The following LALBA variants were observed in gnomAD, a reference collection of about 807,000 sequenced individuals.
LALBA encodes lactalbumin alpha.
In LALBA, 12 loss-of-function variants were observed where a neutral mutation model predicts 13.4. The observed-to-expected ratio is 0.89, with a 90% CI of 0.57 to 1.45. The LOEUF (loss-of-function observed/expected upper bound fraction) is 1.45. Ranked by LOEUF, LALBA falls within the 40% of genes most tolerant of loss-of-function variation. LALBA has a pLI of 0.00. For synonymous variants in LALBA, 64 were observed against 61.0 expected (o/e 1.05, Z -0.23); for missense variants, 145 against 165.9 (o/e 0.87, Z 0.69).
rs898553451 is a variant in LALBA, at chr12:48,569,874, G to A, written c.133+14C>T. On this transcript the variant is annotated intron_variant, in intron 1 of 3. Coordinates refer to ENST00000301046, the MANE Select transcript of LALBA (RefSeq NM_002289.3). ...GTATGAGGAATGGATGAAACACAGAGGCAGGGAACTCACATTCAGGCAAAG... is the reference window on the plus strand; with the variant it reads ...GTATGAGGAATGGATGAAACACAGAAGCAGGGAACTCACATTCAGGCAAAG... The A allele has an allele frequency of 2.5e-6, 4 of 1,613,258 alleles. No individual in the cohort carries two copies. Among genetic ancestry groups the A allele is most frequent in the African/African-American group, 1.3e-5 (1 of 74,890 alleles).
intron 2 of LALBA, 107 bp downstream of exon 2, chr12:48,568,975 G>T: frequency 1.0e-6 from 1 of 982,326 alleles, no homozygotes; most frequent in Non-Finnish European, 1.5e-6. Flanking sequence ...TTTTTATAGA[G>T]CCCAGCCAAG....
At chr12:48,568,120 A>T in intron 3 of LALBA, 103 bp from the exon 4 acceptor site, 1 of 888,108 alleles carries the variant, frequency 1.1e-6, no homozygotes, top group Non-Finnish European at 1.8e-6. Flanking sequence ...TTACAGAAAG[A>T]CATTCCTGGC....
At chr12:48,570,657 C>T (rs1339698519), upstream of LALBA, among the ~76,000 whole-genome samples, 2 of 152,096 alleles carry the variant, frequency 1.3e-5, no homozygotes, top group Admixed American at 1.3e-4. Context: ...AGACTTCCTA[C>T]TTAAGGAAAA....
rs1448688374 is a variant in LALBA at position 48,570,015 on chromosome 12, C to T, written c.6G>A (p.Arg2=). 2.5e-6 allele frequency: 4 copies of T among 1,613,872 alleles called. No homozygotes were observed. Among genetic ancestry groups the T allele is most frequent in the South Asian group, 1.1e-5 (1 of 91,046 alleles). ...CCACCAGGAACAGAGGGACAAAGAA[C>T]CTCATTTTGGCTACCCCCAAGAACC... The part of the protein sequence containing the change: M[R]FFVPLFLVGI... Residue 2 remains arginine (R), a synonymous_variant, in exon 1 of 4, where the codon AGG becomes AGA. Coordinates refer to ENST00000301046, the MANE Select transcript of LALBA (RefSeq NM_002289.3).
At chr12:48,568,462 C>G (rs1938593403) in intron 3 of LALBA, 55 bp downstream of exon 3, 1 of 987,784 alleles carries the variant, frequency 1.0e-6, no homozygotes, top group Non-Finnish European at 1.6e-6. Context: ...GGGTGCTGGG[C>G]TAATGGGGTA....
At chr12:48,570,695 C>T (rs545198074), upstream of LALBA, among the ~76,000 whole-genome samples, 3 of 152,162 alleles carry the variant, frequency 2.0e-5, no homozygotes, top group Admixed American at 2.0e-4. Flanking sequence ...TGTATGAAAG[C>T]ATCTAGGCCA....
chr12:48,568,294 G>C lies in LALBA; in HGVS notation c.368+223C>G, dbSNP rs1339596629. 10 of 604,546 alleles carry C rather than the reference G, an allele frequency of 1.7e-5. No individual in the cohort carries two copies. The African/African-American group carries it at 1.9e-4, about 11-fold the overall frequency. The allele number at this position is 604,546 out of a possible 1,614,324, so 37.4% of individuals were successfully genotyped here. On this transcript the variant is annotated intron_variant, in intron 3 of 3. Coordinates refer to ENST00000301046, the MANE Select transcript of LALBA (RefSeq NM_002289.3). ...TCCAAGTCTAAGTGAAAGGAGGCCT[G>C]GGTCTGAGCCCTCCATTAGGCAACC... is the stretch of plus-strand genomic sequence containing the variant.
intron 3 of LALBA, 47 bp downstream of exon 3, chr12:48,568,470 G>T: frequency 9.3e-7 from 1 of 1,070,888 alleles, no homozygotes; most frequent in Non-Finnish European, 1.5e-6. Flanking sequence ...GGCTAATGGG[G>T]TAAGGAGAAG....
chr12:48,569,813 G>T, intron 1 of LALBA, 75 bp downstream of exon 1: 1 of 1,445,712 alleles, frequency 6.9e-7, no homozygotes. Context: ...AAGTGGAGGG[G>T]CGAAGTGGAA....
rs1938604324 is a variant in LALBA, at chr12:48,569,320, A to G, written c.134-80T>C. ...GAGGAACTGTAATTCTCAGACAAAA[A>G]TGCTTTCCAGCCAATCTCCAAAGAT... On this transcript the variant is annotated intron_variant, in intron 1 of 3. Coordinates refer to ENST00000301046, the MANE Select transcript of LALBA (RefSeq NM_002289.3). 1.3e-5 allele frequency: 16 copies of G among 1,264,662 alleles called. 1 individual carries two copies. The South Asian group carries it at 2.1e-4, about 16-fold the overall frequency. The allele number at this position is 1,264,662 out of a possible 1,614,324, so 78.3% of individuals were successfully genotyped here.
At position 48,569,814 on chromosome 12, in the gene LALBA, C is replaced by T. The variant is rs185821936; in HGVS notation, c.133+74G>A. 1,351 of 1,451,586 alleles carry T rather than the reference C, an allele frequency of 9.3e-4. 3 individuals carry two copies. The highest frequency in any genetic ancestry group is 1.1e-3 in the Non-Finnish European group (1,180 of 1,048,916). 89.9% of individuals were successfully genotyped at this position (1,451,586 alleles called of 1,614,324 possible). Reference sequence around the variant, plus strand: ...AGATAATTAAGTAAAAGTGGAGGGGCGAAGTGGAAGAAAGAGGGGATGGAG... The same window carrying T: ...AGATAATTAAGTAAAAGTGGAGGGGTGAAGTGGAAGAAAGAGGGGATGGAG... On this transcript the variant is annotated intron_variant, in intron 1 of 3. Coordinates refer to ENST00000301046, the MANE Select transcript of LALBA (RefSeq NM_002289.3).
chr12:48,570,725 G>A (rs1938622331), upstream of LALBA, among the ~76,000 whole-genome samples: 1 of 152,152 alleles, frequency 6.6e-6, no homozygotes, highest in African/African-American at 2.4e-5. Context: ...GCTCACACCT[G>A]TAATCCCGGC....
upstream of LALBA, among the ~76,000 whole-genome samples, chr12:48,570,910 G>C (rs935057183): frequency 6.7e-6 from 1 of 149,934 alleles, no homozygotes; most frequent in Non-Finnish European, 1.5e-5. Context: ...ACAGGAGGTC[G>C]AGGCTGCAGT....
rs1467411307 is a variant in LALBA, at chr12:48,569,985, G to A, written c.36C>T (p.Ile12=). Residue 12 remains isoleucine (I), a synonymous_variant, in exon 1 of 4, where the codon ATC becomes ATT. Transcript: ENST00000301046. The part of the protein sequence containing the change: ...RFFVPLFLVG[I]LFPAILAKQF... ...GCTTGGCCAGGATGGCAGGGAACAG[G>A]ATGCCCACCAGGAACAGAGGGACAA... 6.2e-7 allele frequency: 1 copy of A among 1,614,022 alleles called. No individual in the cohort carries two copies. The highest frequency in any genetic ancestry group is 1.7e-5 in the Admixed American group (1 of 60,014).
intron 1 of LALBA, among the ~76,000 whole-genome samples, 188 bp downstream of exon 1, chr12:48,569,700 C>T (rs528337768): frequency 9.9e-5 from 15 of 151,954 alleles, no homozygotes; most frequent in South Asian, 2.1e-4. Flanking sequence ...GCAACAAGAG[C>T]GAAACTCCAC....
Position 48,567,962 on chromosome 12 carries a change from A to G in LALBA, c.424T>C (p.Leu142=). 1 of 1,605,572 alleles carries G rather than the reference A, an allele frequency of 6.2e-7. No individual in the cohort carries two copies. ...GTGCCAAGGACAGCAGACACTCACAACTTCTCACAAAGCCACTGTTCCAGC... is the reference window on the plus strand; with the variant it reads ...GTGCCAAGGACAGCAGACACTCACAGCTTCTCACAAAGCCACTGTTCCAGC... The part of the protein sequence containing the change: ...EKLEQWLCEK[L] Residue 142 remains leucine (L), a synonymous_variant, in exon 4 of 4, where the codon TTG becomes CTG. Coordinates refer to ENST00000301046, the MANE Select transcript of LALBA (RefSeq NM_002289.3).
intron 2 of LALBA, among the ~76,000 whole-genome samples, chr12:48,568,827 A>G (rs1938597778): frequency 6.6e-6 from 1 of 152,196 alleles, no homozygotes; most frequent in Admixed American, 6.5e-5. Context: ...TACCCTGAAA[A>G]TGCAGACAAT....
At position 48,570,028 on chromosome 12, in the gene LALBA, AC is replaced by A; in HGVS notation, c.-9del. The A allele has an allele frequency of 6.2e-7, 1 of 1,613,418 alleles. No homozygotes were observed. Among genetic ancestry groups the A allele is most frequent in the East Asian group, 2.2e-5 (1 of 44,872 alleles). On this transcript the variant is annotated 5_prime_UTR_variant, in exon 1 of 4. Transcript: ENST00000301046. ...AGGGACAAAGAACCTCATTTTGGCT[AC>A]CCCCAAGAACCTGAAATGGAAGCAT... is the stretch of plus-strand genomic sequence containing the variant.
upstream of LALBA, among the ~76,000 whole-genome samples, chr12:48,571,386 CT>C (rs60444004): frequency 2.8e-4 from 27 of 98,032 alleles, no homozygotes; most frequent in East Asian, 1.5e-3. Context: ...CTTCTTCTTC[CT>C]TTTTTTTTTT....
Sources: gnomAD v4.1 joint callset for allele counts (sites outside exome capture counted in the v4.1 genomes callset) on GRCh38, gnomAD v4.1.1 for gene constraint, MANE v1.5 for transcripts, NCBI Gene and HGNC (gene_info 2026-07-23, HGNC 2026-07-21) for gene names.